Variants in DGKB observed in about 807,000 individuals in gnomAD.
The protein encoded by DGKB is diacylglycerol kinase beta.
DGKB carries 67 observed loss-of-function variants against 114.3 expected under a neutral mutation model. The observed-to-expected ratio is 0.59, with a 90% CI of 0.48 to 0.72. The LOEUF is 0.72. Among genes scored for constraint, DGKB ranks in the 30% least tolerant of loss-of-function variants. The pLI is 0.00. For synonymous variants in DGKB, 398 were observed against 323.1 expected, an observed-to-expected ratio of 1.23 and a Z score of -2.49; for missense variants, 907 against 975.2, an observed-to-expected ratio of 0.93 and a Z score of 0.93.
chr7:14,641,998 T>C (rs1811894911), intron 13 of DGKB, among the ~76,000 whole-genome samples: 1 of 152,094 alleles, frequency 6.6e-6, no homozygotes, highest in Admixed American at 6.5e-5. Flanking sequence ...GTTTTTTGTT[T>C]GTTTGTCTGT....
At chr7:14,650,571 AT>A (rs1585349168) in intron 13 of DGKB, among the ~76,000 whole-genome samples, 1 of 89,196 alleles carries the variant, frequency 1.1e-5, no homozygotes, top group African/African-American at 4.6e-5. Context: ...ACAGCCTAAC[AT>A]CACAATTAAA....
intron 2 of DGKB, among the ~76,000 whole-genome samples, chr7:14,831,689 C>G (rs1846435725): frequency 6.6e-6 from 1 of 152,066 alleles, no homozygotes; most frequent in Non-Finnish European, 1.5e-5. Context: ...CATGTCTTCT[C>G]CTAGCATCCG....
At chr7:14,852,681 CTCTT>C (rs992777962) in intron 1 of DGKB, among the ~76,000 whole-genome samples, 1 of 151,952 alleles carries the variant, frequency 6.6e-6, no homozygotes, top group Non-Finnish European at 1.5e-5. Flanking sequence ...TAAAGGATAA[CTCTT>C]TCCTTCCCCG....
intron 9 of DGKB, among the ~76,000 whole-genome samples, chr7:14,686,649 C>G (rs1821737786): frequency 6.6e-6 from 1 of 152,126 alleles, no homozygotes; most frequent in Non-Finnish European, 1.5e-5. Flanking sequence ...ACTACCTTTC[C>G]TATTCCCAGT....
At chr7:14,705,582 T>A (rs1271921027) in intron 6 of DGKB, among the ~76,000 whole-genome samples, 1 of 149,256 alleles carries the variant, frequency 6.7e-6, no homozygotes, top group Non-Finnish European at 1.5e-5. Context: ...CGGGTTCCCC[T>A]CAAAGGGAAG....
At chr7:14,577,182 C>A (rs573816522) in intron 19 of DGKB, among the ~76,000 whole-genome samples, 7 of 151,964 alleles carry the variant, frequency 4.6e-5, no homozygotes, top group Non-Finnish European at 7.4e-5. Context: ...TGTAATCAAT[C>A]CAGGCTAAGA....
At chr7:14,724,086 A>ATC (rs1829665275) in intron 5 of DGKB, among the ~76,000 whole-genome samples, 4 of 152,222 alleles carry the variant, frequency 2.6e-5, no homozygotes, top group Non-Finnish European at 5.9e-5. Context: ...AGTCAAAAAC[A>ATC]ATAACATGGA....
At chr7:14,593,282 G>A (rs1801996306) in intron 17 of DGKB, among the ~76,000 whole-genome samples, 1 of 151,848 alleles carries the variant, frequency 6.6e-6, no homozygotes, top group African/African-American at 2.4e-5. Flanking sequence ...GAAAATGAGA[G>A]AATATTTATT....
chr7:14,211,318 ATTTACTCTCATGTTTTGTGAT>A (rs1321147373), intron 23 of DGKB, among the ~76,000 whole-genome samples: 30 of 57,752 alleles, frequency 5.2e-4, no homozygotes, highest in Middle Eastern at 9.3e-3. Context: ...GTTTTGTGAT[ATTTACTCTCATGTTTTGTGAT>A]TTTACTCTCA....
rs147120161 is a variant in DGKB, at chr7:14,180,803, TTC to T, written c.2123-2654_2123-2653del. ...GAGTTTCTATCTATGCAATTTTGAA[TTC>T]TGTTTCTATATGTGGTATCCTTTGG... On this transcript the variant is annotated intron_variant, in intron 23 of 25. Coordinates refer to ENST00000402815, the MANE Select transcript of DGKB (RefSeq NM_001350709.2). Among the ~76,000 whole-genome samples the T allele has an allele frequency of 3.5e-3, 537 of 152,280 alleles. 1 individual carries two copies. Among genetic ancestry groups the T allele is most frequent in the African/African-American group, 0.012 (512 of 41,556 alleles).
At chr7:14,171,790 C>T (rs1031283669) in intron 25 of DGKB, among the ~76,000 whole-genome samples, 2 of 152,090 alleles carry the variant, frequency 1.3e-5, no homozygotes, top group Non-Finnish European at 2.9e-5. Context: ...TGTTATACTA[C>T]CCTAAGAAGT....
At chr7:14,607,808 C>T (rs1158713802) in intron 16 of DGKB, among the ~76,000 whole-genome samples, 1 of 151,392 alleles carries the variant, frequency 6.6e-6, no homozygotes, top group African/African-American at 2.4e-5. Context: ...CGCTTTTGAA[C>T]ATTATTTAGC....
intron 1 of DGKB, among the ~76,000 whole-genome samples, chr7:14,884,554 A>T (rs1033412122): frequency 6.6e-6 from 1 of 151,930 alleles, no homozygotes; most frequent in African/African-American, 2.4e-5. Flanking sequence ...TGACAGCCTG[A>T]CTTTTTCTGA....
intron 23 of DGKB, among the ~76,000 whole-genome samples, chr7:14,235,540 A>G (rs1456266194): frequency 6.6e-6 from 1 of 152,058 alleles, no homozygotes; most frequent in African/African-American, 2.4e-5. Context: ...GTATTTGACC[A>G]TTACTGTTTT....
intron 17 of DGKB, among the ~76,000 whole-genome samples, chr7:14,599,273 C>T (rs964152146): frequency 6.6e-6 from 1 of 152,148 alleles, no homozygotes; most frequent in Non-Finnish European, 1.5e-5. Context: ...ACACCAGAAA[C>T]AACCTGAAGA....
intron 20 of DGKB, among the ~76,000 whole-genome samples, chr7:14,506,727 A>G (rs1787136398): frequency 1.3e-5 from 2 of 152,118 alleles, no homozygotes; most frequent in African/African-American, 4.8e-5. Context: ...GTGAATAGAG[A>G]TATCATTCCT....
chr7:14,193,652 T>A (rs1019454798), intron 23 of DGKB, among the ~76,000 whole-genome samples: 2 of 152,076 alleles, frequency 1.3e-5, no homozygotes, highest in African/African-American at 2.4e-5. Context: ...ACTTTTTAAA[T>A]AAGATCTCAA....
At chr7:14,948,175 T>C (rs1039488051) in intron 1 of DGKB, among the ~76,000 whole-genome samples, 3 of 151,820 alleles carry the variant, frequency 2.0e-5, no homozygotes, top group Non-Finnish European at 4.4e-5. Flanking sequence ...TGAAATAGAA[T>C]AGCAAATCTT....
intron 21 of DGKB, among the ~76,000 whole-genome samples, chr7:14,364,728 C>T (rs112052199): frequency 9.4e-4 from 143 of 151,992 alleles, no homozygotes; most frequent in African/African-American, 3.4e-3. Context: ...AGATGCCGCC[C>T]ATGAGAGATT....
Sources: gnomAD v4.1 joint callset for allele counts (sites outside exome capture counted in the v4.1 genomes callset) on GRCh38, gnomAD v4.1.1 for gene constraint, MANE v1.5 for transcripts, NCBI Gene and HGNC (gene_info 2026-07-23, HGNC 2026-07-21) for gene names.